SPTA1: variants seen among roughly 807,000 people sequenced by gnomAD.
SPTA1 encodes spectrin alpha, erythrocytic 1.
A neutral mutation model predicts 324.7 loss-of-function variants in SPTA1; 177 were observed. The ratio of observed to expected loss-of-function variants is 0.55; its 90% CI spans 0.48 to 0.62. SPTA1 has a LOEUF of 0.62. SPTA1 is among the 20% of genes least tolerant of loss of function. The pLI is 0.00. For synonymous variants in SPTA1, 1,195 were observed against 1,041.3 expected (o/e 1.15, Z -2.84); for missense variants, 3,162 against 2,883.6 (o/e 1.10, Z -2.21).
chr1:158,643,298 A>G, intron 31 of SPTA1, 24 bp downstream of exon 31: 1 of 1,613,132 alleles, frequency 6.2e-7, no homozygotes, highest in Non-Finnish European at 8.5e-7. Flanking sequence ...CCTTTGGCAC[A>G]TAAAACAATC....
At chr1:158,627,896 C>A (rs1056807408) in intron 39 of SPTA1, among the ~76,000 whole-genome samples, 173 bp from the exon 40 acceptor site, 4 of 152,162 alleles carry the variant, frequency 2.6e-5, no homozygotes, top group Non-Finnish European at 5.9e-5. Flanking sequence ...CTCAAATTCT[C>A]ACTTGTCACT....
chr1:158,646,226 A>G (rs1651988933), intron 27 of SPTA1, among the ~76,000 whole-genome samples: 1 of 152,116 alleles, frequency 6.6e-6, no homozygotes, highest in African/African-American at 2.4e-5. Context: ...TCTTCTTAAA[A>G]GGCAAATTTT....
chr1:158,643,030 G>C, intron 31 of SPTA1, 54 bp from the exon 32 acceptor site: 4 of 1,605,974 alleles, frequency 2.5e-6, no homozygotes, highest in Non-Finnish European at 3.4e-6. Flanking sequence ...CCCATGCTCT[G>C]ATGCCATATC....
At chr1:158,624,187 G>T (rs529862197) in intron 42 of SPTA1, among the ~76,000 whole-genome samples, 1 of 152,208 alleles carries the variant, frequency 6.6e-6, no homozygotes, top group East Asian at 1.9e-4. Flanking sequence ...GCACAGAAGG[G>T]AAATGTGGGA....
At chr1:158,665,748 T>A (rs1202325233) in intron 16 of SPTA1, among the ~76,000 whole-genome samples, 4 of 152,088 alleles carry the variant, frequency 2.6e-5, no homozygotes, top group Admixed American at 6.6e-5. Context: ...TTCCTTATTT[T>A]AAAAAAATGT....
rs375682907 is a variant in SPTA1, at chr1:158,627,517, G to A, written c.5664+108C>T. 225 of 1,066,224 alleles carry A rather than the reference G, an allele frequency of 2.1e-4. No individual in the cohort carries two copies. The African/African-American group carries it at 2.9e-3, about 14-fold the overall frequency. The allele number at this position is 1,066,224 out of a possible 1,614,324, so 66.0% of individuals were successfully genotyped here. A position where few individuals can be genotyped will look rare whatever the true frequency, so the allele number is the denominator to read the frequency against. On this transcript the variant is annotated intron_variant, in intron 40 of 51. Coordinates refer to ENST00000643759, the MANE Select transcript of SPTA1 (RefSeq NM_003126.4). The stretch of plus-strand genomic sequence containing the variant: ...GTTTAGAAGAGATTGTTAAAGTTCT[G>A]CATATGATCTTAGCACTGCTCTCTG...
chr1:158,636,942 G>C (rs1319456711), intron 36 of SPTA1, among the ~76,000 whole-genome samples, 181 bp from the exon 37 acceptor site: 1 of 152,146 alleles, frequency 6.6e-6, no homozygotes, highest in African/African-American at 2.4e-5. Flanking sequence ...CAAAACTTCT[G>C]ACTGAGCCAA....
chr1:158,672,002 G>A (rs1654056560), intron 11 of SPTA1, 57 bp downstream of exon 11: 8 of 1,606,740 alleles, frequency 5.0e-6, no homozygotes, highest in Middle Eastern at 1.7e-4. Context: ...TAGTCATGGT[G>A]GCAAATGAAG....
chr1:158,670,638 G>A (rs1571504316), intron 12 of SPTA1, among the ~76,000 whole-genome samples: 1 of 152,148 alleles, frequency 6.6e-6, no homozygotes, highest in Non-Finnish European at 1.5e-5. Flanking sequence ...GACATACAAT[G>A]TATTGGACCC....
At chr1:158,648,807 G>T in intron 25 of SPTA1, among the ~76,000 whole-genome samples, 154 bp from the exon 26 acceptor site, 1 of 105,980 alleles carries the variant, frequency 9.4e-6, no homozygotes, top group African/African-American at 3.8e-5. Flanking sequence ...TTATGTGCTA[G>T]AAACTTAGGC....
At chr1:158,635,794 GAGAT>G in intron 38 of SPTA1, 115 bp downstream of exon 38, 3 of 1,452,392 alleles carry the variant, frequency 2.1e-6, no homozygotes, top group African/African-American at 1.4e-5. Context: ...GGGACTTAAG[GAGAT>G]AGATAGGTAG....
intron 48 of SPTA1, 21 bp from the exon 49 acceptor site, chr1:158,614,327 ATG>A (rs1226812376): frequency 2.1e-6 from 3 of 1,428,066 alleles, no homozygotes; most frequent in Non-Finnish European, 2.0e-6. Context: ...AAAAAAAAAC[ATG>A]AATTTTCCCT....
intron 31 of SPTA1, 146 bp from the exon 32 acceptor site, chr1:158,643,122 C>G: frequency 7.6e-7 from 1 of 1,310,320 alleles, no homozygotes; most frequent in Non-Finnish European, 1.1e-6. Context: ...AGTGCTAAAG[C>G]CAGTTAATTT....
intron 21 of SPTA1, among the ~76,000 whole-genome samples, chr1:158,653,799 A>C (rs1652633630): frequency 6.8e-6 from 1 of 146,608 alleles, no homozygotes; most frequent in African/African-American, 2.8e-5. Flanking sequence ...TATTGCACAA[A>C]AATTCTTCTC....
intron 5 of SPTA1, 117 bp from the exon 6 acceptor site, chr1:158,678,651 T>C (rs931666969): frequency 1.2e-5 from 16 of 1,284,082 alleles, no homozygotes; most frequent in South Asian, 5.1e-5. Flanking sequence ...AACTGACCAT[T>C]GTAGCCAGAC....
chr1:158,640,069 G>A (rs895198186), intron 33 of SPTA1, 62 bp from the exon 34 acceptor site: 1 of 1,611,640 alleles, frequency 6.2e-7, no homozygotes, highest in Admixed American at 1.7e-5. Flanking sequence ...GTGACTACTT[G>A]AGAGAATAAT....
rs1267545224 is a variant in SPTA1 at position 158,683,456 on chromosome 1, T to G, written c.305A>C (p.Gln102Pro). 1 of 1,613,316 alleles carries G rather than the reference T, an allele frequency of 6.2e-7. No individual in the cohort carries two copies. Among genetic ancestry groups the G allele is most frequent in the Non-Finnish European group, 8.5e-7 (1 of 1,179,496 alleles). ...TTCAGACATGAGTCTTGATTTTGTT[T>G]GCACCTCTGCTTCAAGGGATTGATG... ...QKHQSLEAEV[Q>P]TKSRLMSELE... Residue 102 changes from glutamine (Q) to proline (P), a missense_variant, in exon 3 of 52, where the codon CAA becomes CCA. Gln to Pro is a moderately conservative substitution (Grantham distance 76, BLOSUM62 -1). Transcript: ENST00000643759.
chr1:158,683,823 G>C, intron 2 of SPTA1, among the ~76,000 whole-genome samples: 1 of 140,912 alleles, frequency 7.1e-6, no homozygotes, highest in Non-Finnish European at 1.6e-5. Context: ...TGAGAAAGAT[G>C]ATAGTTATAA....
chr1:158,641,616 T>G (rs1371848574), intron 33 of SPTA1, among the ~76,000 whole-genome samples: 1 of 152,178 alleles, frequency 6.6e-6, no homozygotes, highest in East Asian at 1.9e-4. Context: ...TGAGATACCA[T>G]CTCACACCAG....
Sources: allele counts gnomAD v4.1 joint callset (sites outside exome capture counted in the v4.1 genomes callset), GRCh38; gene constraint gnomAD v4.1.1; transcripts MANE v1.5; gene names NCBI Gene and HGNC (gene_info 2026-07-23, HGNC 2026-07-21).